Variants in PPP2R2B observed in about 807,000 individuals in gnomAD.
PPP2R2B encodes the protein serine/threonine-protein phosphatase 2A 55 kDa regulatory subunit B beta isoform.
PPP2R2B carries 5 observed loss-of-function variants against 46.0 expected under a neutral mutation model. That is an observed-to-expected ratio of 0.11 (90% CI 0.06 to 0.23). The LOEUF is 0.23. Ranked by LOEUF, PPP2R2B falls within the 10% of genes least tolerant of loss-of-function variation. The pLI is 1.00. For synonymous variants in PPP2R2B, 215 were observed against 206.7 expected (o/e 1.04, Z -0.34); for missense variants, 367 against 575.0 (o/e 0.64, Z 3.70).
chr5:146,798,229 T>G (rs1582127920), intron 2 of PPP2R2B, among the ~76,000 whole-genome samples: 1 of 152,276 alleles, frequency 6.6e-6, no homozygotes, highest in Non-Finnish European at 1.5e-5. Flanking sequence ...TTCACTCGGT[T>G]GCCTCATTTT....
At position 147,049,365 on chromosome 5, in the gene PPP2R2B, C is replaced by T. The variant is rs1198544581; in HGVS notation, c.79+6300G>A. On this transcript the variant is annotated intron_variant, in intron 1 of 8. Coordinates refer to the PPP2R2B transcript ENST00000336640. ...TTTCCTAGGCTGGAGAAGAATACTGCACAAACAGGGCTTTTTTTTTAGGAG... is the reference window on the plus strand; with the variant it reads ...TTTCCTAGGCTGGAGAAGAATACTGTACAAACAGGGCTTTTTTTTTAGGAG... Among the ~76,000 whole-genome samples the T allele has an allele frequency of 2.0e-5, 3 of 152,090 alleles. No individual in the cohort carries two copies. In the East Asian group the frequency reaches 5.8e-4, roughly 29 times the overall value.
chr5:146,778,080 C>T (rs1755297627), intron 2 of PPP2R2B, among the ~76,000 whole-genome samples: 1 of 152,164 alleles, frequency 6.6e-6, no homozygotes, highest in Non-Finnish European at 1.5e-5. Flanking sequence ...CAACTAGAAA[C>T]TTTCCCAAGG....
At chr5:146,773,136 C>A (rs945263267) in intron 2 of PPP2R2B, among the ~76,000 whole-genome samples, 7 of 152,162 alleles carry the variant, frequency 4.6e-5, no homozygotes, top group Non-Finnish European at 1.0e-4. Context: ...CCATAGTAAA[C>A]CTCCAGAACA....
rs143561593 is a variant in PPP2R2B at position 146,648,472 on chromosome 5, C to T, written c.625+2075G>A. ...ATTTTATGAACTGTCTACTGGATAGCGCTACTTTGATGACCTACTATTATT... is the reference window on the plus strand; with the variant it reads ...ATTTTATGAACTGTCTACTGGATAGTGCTACTTTGATGACCTACTATTATT... On this transcript the variant is annotated intron_variant, in intron 6 of 9. Coordinates refer to ENST00000394411, the MANE Select transcript of PPP2R2B (RefSeq NM_181675.4). Among the ~76,000 whole-genome samples, 987 of 152,212 alleles carry T rather than the reference C, an allele frequency of 6.5e-3. 11 individuals carry two copies. Among genetic ancestry groups the T allele is most frequent in the Non-Finnish European group, 7.6e-3 (516 of 68,028 alleles).
chr5:146,821,570 G>A (rs1019671890), intron 2 of PPP2R2B, among the ~76,000 whole-genome samples: 6 of 152,178 alleles, frequency 3.9e-5, no homozygotes, highest in African/African-American at 1.2e-4. Flanking sequence ...GGCTTTGGGG[G>A]CAAACAGAGT....
chr5:146,584,890 T>C lies in PPP2R2B; in HGVS notation c.*5057A>G, dbSNP rs74825552. On this transcript the variant is annotated 3_prime_UTR_variant, in exon 10 of 10. Coordinates refer to ENST00000394411, the MANE Select transcript of PPP2R2B (RefSeq NM_181675.4). ...TGCTTCATATTCTGGTATATGTTGG[T>C]CTACCTATTGGAAACGCTGTATCAT... is the stretch of plus-strand genomic sequence containing the variant. 492 of 152,340 alleles carry C rather than the reference T, an allele frequency of 3.2e-3. 4 individuals are homozygous for C. The highest frequency in any genetic ancestry group is 0.011 in the African/African-American group (437 of 41,578). 9.4% of individuals were successfully genotyped at this position (152,340 alleles called of 1,614,324 possible).
intron 1 of PPP2R2B, among the ~76,000 whole-genome samples, chr5:146,904,833 C>T (rs1762947692): frequency 6.6e-6 from 1 of 152,144 alleles, no homozygotes; most frequent in African/African-American, 2.4e-5. Flanking sequence ...AGCAGGTTAA[C>T]ATTAACATGA....
chr5:146,984,603 G>A (rs2151857485), intron 1 of PPP2R2B, among the ~76,000 whole-genome samples: 1 of 152,310 alleles, frequency 6.6e-6, no homozygotes, highest in South Asian at 2.1e-4. Context: ...ATATCCAGAA[G>A]TGGGATTGCT....
chr5:146,831,568 A>G (rs929120005), intron 2 of PPP2R2B, among the ~76,000 whole-genome samples: 4 of 150,362 alleles, frequency 2.7e-5, no homozygotes, highest in African/African-American at 9.8e-5. Flanking sequence ...GCACACATTT[A>G]CCTATGTAAC....
At chr5:146,942,693 GTATGA>G (rs1410542131) in intron 1 of PPP2R2B, among the ~76,000 whole-genome samples, 1 of 151,998 alleles carries the variant, frequency 6.6e-6, no homozygotes, top group Non-Finnish European at 1.5e-5. Flanking sequence ...ACAAGTATTA[GTATGA>G]TATATGTTAA....
intron 2 of PPP2R2B, among the ~76,000 whole-genome samples, chr5:146,801,887 A>C (rs988988826): frequency 6.6e-6 from 1 of 152,228 alleles, no homozygotes; most frequent in Admixed American, 6.5e-5. Flanking sequence ...CCAAATTCGA[A>C]GATGAGTTAG....
intron 1 of PPP2R2B, among the ~76,000 whole-genome samples, chr5:146,950,652 G>T (rs1338327408): frequency 6.6e-6 from 1 of 151,918 alleles, no homozygotes; most frequent in Non-Finnish European, 1.5e-5. Flanking sequence ...CACTGTTTAG[G>T]CTGTACATAG....
intron 2 of PPP2R2B, among the ~76,000 whole-genome samples, chr5:146,764,834 GCACACA>G (rs973687768): frequency 2.0e-4 from 28 of 142,824 alleles, no homozygotes; most frequent in African/African-American, 7.6e-4. Flanking sequence ...AGAGATACAC[GCACACA>G]CACACGCACA....
intron 1 of PPP2R2B, among the ~76,000 whole-genome samples, chr5:146,928,941 C>T (rs545388894): frequency 2.0e-5 from 3 of 152,280 alleles, no homozygotes; most frequent in East Asian, 1.9e-4. Flanking sequence ...TTAATGCTTC[C>T]GGAAAACATG....
intron 2 of PPP2R2B, among the ~76,000 whole-genome samples, chr5:146,760,876 A>G (rs903590436): frequency 2.0e-5 from 3 of 152,230 alleles, no homozygotes. Flanking sequence ...ACAGTTCTCA[A>G]AGAAGACATT....
intron 1 of PPP2R2B, among the ~76,000 whole-genome samples, chr5:146,886,552 G>T (rs1291192647): frequency 6.6e-6 from 1 of 151,930 alleles, no homozygotes; most frequent in Non-Finnish European, 1.5e-5. Context: ...TACTTATGGG[G>T]AGTATGGAGT....
intron 1 of PPP2R2B, among the ~76,000 whole-genome samples, chr5:147,049,634 G>A (rs1262743943): frequency 6.6e-6 from 1 of 152,182 alleles, no homozygotes; most frequent in East Asian, 1.9e-4. Context: ...AAGCAGCAGG[G>A]AGTCTGAGAC....
chr5:146,773,711 A>G (rs1755008394), intron 2 of PPP2R2B, among the ~76,000 whole-genome samples: 1 of 152,086 alleles, frequency 6.6e-6, no homozygotes, highest in African/African-American at 2.4e-5. Flanking sequence ...TTTTTTCTGC[A>G]TGTTTAAATT....
rs992491184 is a variant in PPP2R2B, at chr5:146,600,194, C to T, written c.960+97G>A. The T allele has an allele frequency of 3.2e-5, 42 of 1,323,504 alleles. 1 individual carries two copies. In the South Asian group the frequency reaches 3.4e-4, roughly 11 times the overall value. The allele number at this position is 1,323,504 out of a possible 1,614,324, so 82.0% of individuals were successfully genotyped here. A position where few individuals can be genotyped will look rare whatever the true frequency, so the allele number is the denominator to read the frequency against. On this transcript the variant is annotated intron_variant, in intron 8 of 9. Coordinates refer to ENST00000394411, the MANE Select transcript of PPP2R2B (RefSeq NM_181675.4). ...TGAATGTATCACCATGCATTGCCTT[C>T]CATTTTGCTGCACTGTAAACCTTTG...
Sources: allele counts gnomAD v4.1 joint callset (sites outside exome capture counted in the v4.1 genomes callset), GRCh38; gene constraint gnomAD v4.1.1; transcripts MANE v1.5; gene names NCBI Gene and HGNC (gene_info 2026-07-23, HGNC 2026-07-21).